The following GNAL variants were observed in gnomAD, a reference collection of about 807,000 sequenced individuals.
GNAL encodes G protein subunit alpha L.
GNAL carries 18 observed loss-of-function variants against 55.1 expected under a neutral mutation model. The observed-to-expected ratio is 0.33, with a 90% CI of 0.23 to 0.48. GNAL has a LOEUF of 0.48. Ranked by LOEUF, GNAL falls within the 20% of genes least tolerant of loss-of-function variation. GNAL has a pLI of 0.99. For missense variants in GNAL, 412 were observed against 614.1 expected (o/e 0.67, Z 3.48); for synonymous variants, 253 against 237.0 (o/e 1.07, Z -0.62).
Position 11,689,932 on chromosome 18 carries a change from G to A in GNAL, c.369G>A (p.Leu123=). The change falls in exon 1 of 12, where the codon CTG becomes CTA. Residue 123 remains leucine, a synonymous_variant. Coordinates refer to ENST00000334049, the MANE Select transcript of GNAL (RefSeq NM_182978.4). ...KRDLQQTHRL[L]LLGAGESGKS... ...ACCTGCAGCAGACGCACCGGCTCCT[G>A]CTGCTCGGTAGGTCCCGGCCGCGAG... 7.2e-7 allele frequency: 1 copy of A among 1,386,046 alleles called. No homozygotes were observed. Among genetic ancestry groups the A allele is most frequent in the Non-Finnish European group, 9.4e-7 (1 of 1,065,750 alleles). The allele number at this position is 1,386,046 out of a possible 1,614,324, so 85.9% of individuals were successfully genotyped here.
At chr18:11,767,586 C>T (rs929888706) in intron 4 of GNAL, among the ~76,000 whole-genome samples, 6 of 151,922 alleles carry the variant, frequency 3.9e-5, no homozygotes, top group Non-Finnish European at 7.4e-5. Flanking sequence ...TGGCCTTGCA[C>T]GCTTGTTCTC....
At chr18:11,861,539 A>C (rs2036137711) in intron 5 of GNAL, among the ~76,000 whole-genome samples, 1 of 152,216 alleles carries the variant, frequency 6.6e-6, no homozygotes, top group African/African-American at 2.4e-5. Context: ...TGGAGAAGAT[A>C]AATAACAACA....
intron 1 of GNAL, among the ~76,000 whole-genome samples, chr18:11,722,133 C>T (rs1010951631): frequency 4.6e-5 from 7 of 152,166 alleles, no homozygotes; most frequent in Admixed American, 1.3e-4. Flanking sequence ...TCCCAACATT[C>T]TCAACTCTCC....
chr18:11,870,639 A>G (rs2036376156), intron 9 of GNAL, among the ~76,000 whole-genome samples: 1 of 152,130 alleles, frequency 6.6e-6, no homozygotes, highest in African/African-American at 2.4e-5. Flanking sequence ...CCACATAATC[A>G]TGTTTGAAAC....
At chr18:11,871,537 C>T (rs1476224903) in intron 9 of GNAL, among the ~76,000 whole-genome samples, 5 of 152,220 alleles carry the variant, frequency 3.3e-5, no homozygotes, top group Non-Finnish European at 7.3e-5. Context: ...GCGTGAGCCA[C>T]CACACGTGGC....
chr18:11,710,981 T>C (rs997563223), intron 1 of GNAL, among the ~76,000 whole-genome samples: 1 of 152,166 alleles, frequency 6.6e-6, no homozygotes, highest in Non-Finnish European at 1.5e-5. Context: ...GTTCACACCA[T>C]TCTCCTGCCT....
intron 1 of GNAL, among the ~76,000 whole-genome samples, chr18:11,717,974 A>G (rs964773660): frequency 2.6e-5 from 4 of 152,262 alleles, no homozygotes; most frequent in Non-Finnish European, 5.9e-5. Flanking sequence ...TTAAGCAAAC[A>G]TGCTAAACAA....
chr18:11,877,240 G>A (rs979469910), intron 11 of GNAL, among the ~76,000 whole-genome samples: 4 of 152,144 alleles, frequency 2.6e-5, no homozygotes, highest in Non-Finnish European at 5.9e-5. Context: ...GATCACCTGA[G>A]GTCAGGAGTT....
At chr18:11,802,773 G>A (rs952549914) in intron 4 of GNAL, among the ~76,000 whole-genome samples, 4 of 152,212 alleles carry the variant, frequency 2.6e-5, no homozygotes, top group African/African-American at 9.6e-5. Flanking sequence ...AGAATAAAGC[G>A]GGGTAGGGAC....
intron 9 of GNAL, among the ~76,000 whole-genome samples, chr18:11,871,195 A>G (rs2036388338): frequency 6.6e-6 from 1 of 151,890 alleles, no homozygotes; most frequent in Admixed American, 6.6e-5. Flanking sequence ...TACTAGAAGA[A>G]GCAGGTAAGC....
At chr18:11,862,148 A>C (rs1021678271) in intron 5 of GNAL, among the ~76,000 whole-genome samples, 10 of 152,068 alleles carry the variant, frequency 6.6e-5, no homozygotes, top group African/African-American at 2.4e-4. Flanking sequence ...GTGGCAGTGG[A>C]GAAGAGAGGG....
chr18:11,758,807 C>T (rs1446147719), intron 4 of GNAL, among the ~76,000 whole-genome samples: 2 of 152,182 alleles, frequency 1.3e-5, no homozygotes, highest in Admixed American at 6.5e-5. Context: ...TAGCAGCCAG[C>T]AGATGCAATG....
intron 5 of GNAL, among the ~76,000 whole-genome samples, chr18:11,827,840 C>G (rs11664468): frequency 1.3e-5 from 2 of 151,186 alleles, no homozygotes; most frequent in East Asian, 3.9e-4. Flanking sequence ...GCGTGGTGGC[C>G]GGCACCTGTA....
In GNAL at chr18:11,689,767, A is replaced by G. The variant is rs1346942294; in HGVS notation, c.204A>G (p.Ala68=). 1 of 1,520,700 alleles carries G rather than the reference A, an allele frequency of 6.6e-7. No individual in the cohort carries two copies. The highest frequency in any genetic ancestry group is 8.8e-7 in the Non-Finnish European group (1 of 1,137,556). The allele number at this position is 1,520,700 out of a possible 1,614,324, so 94.2% of individuals were successfully genotyped here. A position where few individuals can be genotyped will look rare whatever the true frequency, so the allele number is the denominator to read the frequency against. The part of the protein sequence containing the change: ...EGSPACARPK[A]DKPKEKRQRT... ...GCCCGGCATGCGCTCGGCCCAAAGC[A>G]GACAAGCCGAAGGAGAAGCGGCAGC... Residue 68 remains alanine, a synonymous_variant, in exon 1 of 12, where the codon GCA becomes GCG. Transcript: ENST00000334049.
chr18:11,851,529 A>G (rs760445799), intron 5 of GNAL: 1 of 1,597,920 alleles, frequency 6.3e-7, no homozygotes, highest in East Asian at 2.2e-5. Flanking sequence ...ACATGGAGAA[A>G]CACCTGTTCA....
chr18:11,747,114 G>A lies in GNAL; in HGVS notation c.377-5739G>A, dbSNP rs148338711. On this transcript the variant is annotated intron_variant, in intron 1 of 11. Coordinates refer to ENST00000334049, the MANE Select transcript of GNAL (RefSeq NM_182978.4). ...CTATTTGTTTGGTGTTCTCAGCGCAGATCGAACTGCCCACGCTGCCCACAG... is the reference window on the plus strand; with the variant it reads ...CTATTTGTTTGGTGTTCTCAGCGCAAATCGAACTGCCCACGCTGCCCACAG... 1,843 of 410,094 alleles carry A rather than the reference G, an allele frequency of 4.5e-3. 11 individuals are homozygous for A. The highest frequency in any genetic ancestry group is 6.7e-3 in the Non-Finnish European group (1,383 of 206,492). The allele number at this position is 410,094 out of a possible 1,614,324, so 25.4% of individuals were successfully genotyped here.
intron 4 of GNAL, among the ~76,000 whole-genome samples, chr18:11,812,576 G>A (rs1441337932): frequency 6.6e-6 from 1 of 152,262 alleles, no homozygotes; most frequent in African/African-American, 2.4e-5. Context: ...GGGCACGGTG[G>A]CTCACGCCTG....
At chr18:11,826,648 C>A (rs996378830) in intron 5 of GNAL, among the ~76,000 whole-genome samples, 3 of 152,140 alleles carry the variant, frequency 2.0e-5, no homozygotes, top group African/African-American at 4.8e-5. Context: ...AAGGGCAGAA[C>A]TAGCTGGTGG....
chr18:11,829,273 G>GT (rs1436827071), intron 5 of GNAL, among the ~76,000 whole-genome samples: 1 of 152,150 alleles, frequency 6.6e-6, no homozygotes, highest in Non-Finnish European at 1.5e-5. Flanking sequence ...TAGGCTAATT[G>GT]TAACTTCTCC....
Sources: allele counts gnomAD v4.1 joint callset (sites outside exome capture counted in the v4.1 genomes callset), GRCh38; gene constraint gnomAD v4.1.1; transcripts MANE v1.5; gene names NCBI Gene and HGNC (gene_info 2026-07-23, HGNC 2026-07-21).